Variants in RAB11FIP1 observed in about 807,000 individuals in gnomAD.
RAB11FIP1 encodes the protein RAB11 family interacting protein 1.
A neutral mutation model predicts 83.1 loss-of-function variants in RAB11FIP1; 49 were observed. The observed-to-expected ratio is 0.59, with a 90% CI of 0.47 to 0.75. RAB11FIP1 has a LOEUF of 0.75. RAB11FIP1 is among the 30% of genes least tolerant of loss of function. The pLI, the probability that RAB11FIP1 is intolerant of heterozygous loss-of-function variation, is 0.00. For missense variants in RAB11FIP1, 1,536 were observed against 1,598.7 expected, an observed-to-expected ratio of 0.96 and a Z score of 0.67; for synonymous variants, 670 against 656.0, an observed-to-expected ratio of 1.02 and a Z score of -0.33.
At chr8:37,875,374 G>A in intron 2 of RAB11FIP1, 52 bp from the exon 3 acceptor site, 1 of 1,356,726 alleles carries the variant, frequency 7.4e-7, no homozygotes, top group Non-Finnish European at 1.0e-6. Context: ...CGGGTGGTTT[G>A]CAGTGTAGGG....
In RAB11FIP1 at chr8:37,860,212, C is replaced by G. The variant is rs538420117; in HGVS notation, c.*2683G>C. ...TCCTTGTGAACACTGCAGATCTCTACGCCAGCTCTCCAATGGAAGAAGAAC... is the reference window on the plus strand; with the variant it reads ...TCCTTGTGAACACTGCAGATCTCTAGGCCAGCTCTCCAATGGAAGAAGAAC... On this transcript the variant is annotated 3_prime_UTR_variant, in exon 6 of 6. Coordinates refer to ENST00000330843, the MANE Select transcript of RAB11FIP1 (RefSeq NM_001002814.3). The G allele has an allele frequency of 6.5e-6, 1 of 152,744 alleles. No individual in the cohort carries two copies. The highest frequency in any genetic ancestry group is 6.5e-5 in the Admixed American group (1 of 15,276). The allele number at this position is 152,744 out of a possible 1,614,324, so 9.5% of individuals were successfully genotyped here. A position where few individuals can be genotyped will look rare whatever the true frequency, so the allele number is the denominator to read the frequency against.
At chr8:37,864,809 C>T (rs527551853) in intron 5 of RAB11FIP1, among the ~76,000 whole-genome samples, 1 of 152,334 alleles carries the variant, frequency 6.6e-6, no homozygotes, top group Non-Finnish European at 1.5e-5. Flanking sequence ...ATTCACGATG[C>T]ACCTCCTCTG....
rs745481047 is a variant in RAB11FIP1, at chr8:37,877,492, A to G, written c.431T>C (p.Val144Ala). The G allele has an allele frequency of 6.2e-7, 1 of 1,613,232 alleles. No homozygotes were observed. The highest frequency in any genetic ancestry group is 8.5e-7 in the Non-Finnish European group (1 of 1,179,940). ...GTTGTTTCTCATAAACTGGATGTCA[A>G]CCTCAATTTCTCCTCGCTCCTTGTC... ...KKDKERGEIE[V>A]DIQFMRNNMT... The change falls in exon 2 of 6, where the codon GTT becomes GCT. Residue 144 changes from valine to alanine, a missense_variant. Physicochemically the swap from Val to Ala is moderately conservative, Grantham distance 64. Coordinates refer to ENST00000330843, the MANE Select transcript of RAB11FIP1 (RefSeq NM_001002814.3).
intron 5 of RAB11FIP1, 56 bp from the exon 6 acceptor site, chr8:37,863,169 C>G (rs1806277121): frequency 7.9e-6 from 11 of 1,390,308 alleles, no homozygotes; most frequent in Non-Finnish European, 1.1e-5. Flanking sequence ...GCACAGAAAC[C>G]TAAAACCTAA....
At chr8:37,868,897 A>T (rs1335370654) in intron 5 of RAB11FIP1, among the ~76,000 whole-genome samples, 1 of 152,200 alleles carries the variant, frequency 6.6e-6, no homozygotes, top group Admixed American at 6.5e-5. Context: ...AAAATTCCAT[A>T]TAGGAAATTG....
Position 37,862,776 on chromosome 8 carries a change from T to A in RAB11FIP1, c.*119A>T. The A allele has an allele frequency of 2.8e-6, 2 of 719,418 alleles. No individual in the cohort carries two copies. The highest frequency in any genetic ancestry group is 4.8e-6 in the Non-Finnish European group (2 of 418,534). 44.6% of individuals were successfully genotyped at this position (719,418 alleles called of 1,614,324 possible). A position where few individuals can be genotyped will look rare whatever the true frequency, so the allele number is the denominator to read the frequency against. ...TAGAATTCACTCTTGCCGGATAACA[T>A]GTGAGGGAGATGGTGATTCGGAGCC... On this transcript the variant is annotated 3_prime_UTR_variant, in exon 6 of 6. Transcript: ENST00000330843.
chr8:37,867,771 A>AG (rs1806371424), intron 5 of RAB11FIP1, among the ~76,000 whole-genome samples: 1 of 151,968 alleles, frequency 6.6e-6, no homozygotes, highest in Non-Finnish European at 1.5e-5. Context: ...GAAGGAAGGA[A>AG]GGAAGAAAAA....
chr8:37,877,624 T>A (rs772017849), intron 1 of RAB11FIP1, 73 bp from the exon 2 acceptor site: 1 of 940,246 alleles, frequency 1.1e-6, no homozygotes, highest in Non-Finnish European at 1.6e-6. Flanking sequence ...CCCCATGAAC[T>A]GGCCTCTCCT....
At chr8:37,878,533 CAAAAAAAAAAAA>C (rs918942295) in intron 1 of RAB11FIP1, among the ~76,000 whole-genome samples, 16 of 24,098 alleles carry the variant, frequency 6.6e-4, no homozygotes, top group South Asian at 1.4e-3. Context: ...GACTCCATCT[CAAAAAAAAAAAA>C]AAAAAAAAAA....
At chr8:37,870,367 A>C (rs767770912) in intron 5 of RAB11FIP1, 53 bp downstream of exon 5, 1 of 1,046,196 alleles carries the variant, frequency 9.6e-7, no homozygotes. Context: ...TGACTATGGA[A>C]ACGGGTGTTC....
intron 1 of RAB11FIP1, among the ~76,000 whole-genome samples, chr8:37,887,901 C>T (rs1246677489): frequency 6.6e-6 from 1 of 152,090 alleles, no homozygotes; most frequent in Non-Finnish European, 1.5e-5. Context: ...AATGATATTC[C>T]GTGAAGTGGG....
At chr8:37,879,870 G>A (rs1806699430) in intron 1 of RAB11FIP1, among the ~76,000 whole-genome samples, 1 of 152,076 alleles carries the variant, frequency 6.6e-6, no homozygotes, top group African/African-American at 2.4e-5. Flanking sequence ...GTGACAGAGT[G>A]AGACTCTGTC....
At position 37,872,521 on chromosome 8, in the gene RAB11FIP1, C is replaced by T; in HGVS notation, c.2281G>A (p.Glu761Lys). 1 of 1,614,252 alleles carries T rather than the reference C, an allele frequency of 6.2e-7. No individual in the cohort carries two copies. The highest frequency in any genetic ancestry group is 8.5e-7 in the Non-Finnish European group (1 of 1,180,036). The change falls in exon 4 of 6, where the codon GAG (glutamate) becomes AAG (lysine). Residue 761 changes from glutamate to lysine, a missense_variant. By Grantham distance (56) the Glu-to-Lys change is moderately conservative. Coordinates refer to ENST00000330843, the MANE Select transcript of RAB11FIP1 (RefSeq NM_001002814.3). ...DLESQAGSLV[E>K]SKARDAAEEV... Reference sequence around the variant, plus strand: ...TCAGCTGCATCCCTGGCTTTGCTCTCCACAAGAGACCCAGCCTGACTCTCC... The same window carrying T: ...TCAGCTGCATCCCTGGCTTTGCTCTTCACAAGAGACCCAGCCTGACTCTCC...
rs576874181 is a variant in RAB11FIP1 at position 37,881,154 on chromosome 8, G to A, written c.372-3603C>T. ...TACGCACAGAGACATCTTCATTTCA[G>A]CCTCACAAGAACGACACGGAGTAGA... On this transcript the variant is annotated intron_variant, in intron 1 of 5. Transcript: ENST00000330843. Among the ~76,000 whole-genome samples, 6 of 152,306 alleles carry A rather than the reference G, an allele frequency of 3.9e-5. No homozygotes were observed. The South Asian group carries it at 8.3e-4, about 21-fold the overall frequency.
chr8:37,894,425 C>A (rs1807017653), intron 1 of RAB11FIP1, among the ~76,000 whole-genome samples: 1 of 151,948 alleles, frequency 6.6e-6, no homozygotes, highest in Non-Finnish European at 1.5e-5. Context: ...AAGTATCTAA[C>A]CCTTTATAAT....
At chr8:37,898,368 G>A (rs1807135748) in intron 1 of RAB11FIP1, among the ~76,000 whole-genome samples, 1 of 150,834 alleles carries the variant, frequency 6.6e-6, no homozygotes. Context: ...AAAATTAGCC[G>A]GGCGGGCCGG....
rs897593167 is a variant in RAB11FIP1 at position 37,873,264 on chromosome 8, C to G, written c.1623-85G>C. On this transcript the variant is annotated intron_variant, in intron 3 of 5. Coordinates refer to ENST00000330843, the MANE Select transcript of RAB11FIP1 (RefSeq NM_001002814.3). ...AAAATACACAAAAACAAGTCATTCA[C>G]CAGGGGAGAACGTCTTTACACGTGG... The G allele has an allele frequency of 6.4e-5, 92 of 1,427,810 alleles. 1 individual carries two copies. Among genetic ancestry groups the G allele is most frequent in the Non-Finnish European group, 1.6e-5 (17 of 1,075,056 alleles). 88.4% of individuals were successfully genotyped at this position (1,427,810 alleles called of 1,614,324 possible). A position where few individuals can be genotyped will look rare whatever the true frequency, so the allele number is the denominator to read the frequency against.
In RAB11FIP1 at chr8:37,863,079, G is replaced by A. The variant is rs572868450; in HGVS notation, c.3668C>T (p.Ala1223Val). ...AATCAGCTCATCGTGGGTCAGCTGC[G>A]CATATGCAAATGCAGGGTCCGAGGG... ...YSPSDPAFAY[A>V]QLTHDELIQL... Residue 1223 changes from alanine to valine, a missense_variant, in exon 6 of 6, where the codon GCG becomes GTG. Ala to Val is a moderately conservative substitution (Grantham distance 64). Transcript: ENST00000330843. 37 of 1,612,678 alleles carry A rather than the reference G, an allele frequency of 2.3e-5. No individual in the cohort carries two copies. Among genetic ancestry groups the A allele is most frequent in the East Asian group, 6.7e-5 (3 of 44,882 alleles).
chr8:37,861,571 A>G lies in RAB11FIP1; in HGVS notation c.*1324T>C. On this transcript the variant is annotated 3_prime_UTR_variant, in exon 6 of 6. Transcript: ENST00000330843. ...TTTTTTCTTTTTAGTTTTTTTTAAG[A>G]CAGAGTCTTAAAAAAATTGCCCAGG... 1 of 443,538 alleles carries G rather than the reference A, an allele frequency of 2.3e-6. No homozygotes were observed. The highest frequency in any genetic ancestry group is 1.6e-5 in the South Asian group (1 of 62,242). The allele number at this position is 443,538 out of a possible 1,614,324, so 27.5% of individuals were successfully genotyped here.
Sources: gnomAD v4.1 joint callset for allele counts (sites outside exome capture counted in the v4.1 genomes callset) on GRCh38, gnomAD v4.1.1 for gene constraint, MANE v1.5 for transcripts, NCBI Gene and HGNC (gene_info 2026-07-23, HGNC 2026-07-21) for gene names.